Variants in COL10A1 observed in about 807,000 individuals in gnomAD.
The protein encoded by COL10A1 is collagen type X alpha 1 chain, also known as collagen alpha-1(X) chain.
COL10A1 carries 10 observed loss-of-function variants against 18.2 expected under a neutral mutation model. The observed-to-expected ratio is 0.55, with a 90% CI of 0.34 to 0.93. The LOEUF is 0.93. Ranked by LOEUF, COL10A1 falls within the 40% of genes least tolerant of loss-of-function variation. COL10A1 has a pLI of 0.02. For synonymous variants in COL10A1, 330 were observed against 316.6 expected (o/e 1.04, Z -0.45); for missense variants, 897 against 853.5 (o/e 1.05, Z -0.64).
rs1304322239 is a variant in COL10A1, at chr6:116,120,644, G to A, written c.1472C>T (p.Pro491Leu). The A allele has an allele frequency of 3.9e-6, 6 of 1,548,540 alleles. 1 individual carries two copies. The South Asian group carries it at 5.1e-5, about 13-fold the overall frequency. Residue 491 changes from proline to leucine, a missense_variant, in exon 3 of 3, where the codon CCA (proline) becomes CTA (leucine). Coordinates refer to ENST00000651968, the MANE Select transcript of COL10A1 (RefSeq NM_000493.4). ...ATKGLNGPTG[P>L]PGPPGPRGHS... The stretch of plus-strand genomic sequence containing the variant: ...GCCTCTTGGACCTGGAGGCCCTGGT[G>A]GCCCGGTGGGTCCATTGAGGCCCTT...
chr6:116,199,256 G>C, the COL10A1 span, among the ~76,000 whole-genome samples: 1 of 152,192 alleles, frequency 6.6e-6, no homozygotes. Flanking sequence ...CCTTCTGAAA[G>C]GACTATCTTC....
At chr6:116,194,941 G>A in the COL10A1 span, among the ~76,000 whole-genome samples, 1 of 151,940 alleles carries the variant, frequency 6.6e-6, no homozygotes, top group Non-Finnish European at 1.5e-5. Flanking sequence ...TGGATACTGT[G>A]GCATATTTGC....
chr6:116,179,725 A>G, the COL10A1 span, among the ~76,000 whole-genome samples: 4 of 152,140 alleles, frequency 2.6e-5, no homozygotes, highest in Non-Finnish European at 5.9e-5. Flanking sequence ...CTCAATAATT[A>G]TAAGATTCTG....
At chr6:116,188,390 G>A in the COL10A1 span, among the ~76,000 whole-genome samples, 1,268 of 152,082 alleles carry the variant, frequency 8.3e-3, 24 homozygotes, top group African/African-American at 0.029. Flanking sequence ...CACCAAATTA[G>A]AGACAGCCCA....
upstream of COL10A1, among the ~76,000 whole-genome samples, chr6:116,159,915 T>A (rs1780288737): frequency 6.6e-6 from 1 of 152,226 alleles, no homozygotes; most frequent in South Asian, 2.1e-4. Context: ...GGCCTCCAGC[T>A]CTATCCATGT....
At chr6:116,153,961 T>A (rs1780116725) in intron 1 of COL10A1, among the ~76,000 whole-genome samples, 1 of 152,100 alleles carries the variant, frequency 6.6e-6, no homozygotes, top group South Asian at 2.1e-4. Context: ...CTGTATGTAT[T>A]GCATTTGGAA....
the COL10A1 span, among the ~76,000 whole-genome samples, chr6:116,184,496 G>A: frequency 1.3e-5 from 2 of 152,036 alleles, no homozygotes; most frequent in Admixed American, 6.6e-5. Flanking sequence ...ATAGCATTCA[G>A]CTATGAATCC....
At position 116,146,863 on chromosome 6, in the gene COL10A1, T is replaced by C. The variant is rs576859654; in HGVS notation, c.-16+11751A>G. Reference sequence around the variant, plus strand: ...GCCTATGGATAGCCATCTGAAAAAATACAGTTGTGCCCTACCTCACACCTA... The same window carrying C: ...GCCTATGGATAGCCATCTGAAAAAACACAGTTGTGCCCTACCTCACACCTA... On this transcript the variant is annotated intron_variant, in intron 1 of 1. Transcript: ENST00000418500. Among the ~76,000 whole-genome samples the C allele has an allele frequency of 1.2e-3, 175 of 151,780 alleles. 1 individual carries two copies. Among genetic ancestry groups the C allele is most frequent in the Admixed American group, 2.8e-3 (43 of 15,238 alleles).
chr6:116,204,483 T>C, the COL10A1 span, among the ~76,000 whole-genome samples: 2 of 151,940 alleles, frequency 1.3e-5, no homozygotes, highest in African/African-American at 4.8e-5. Context: ...GATGAGAGTG[T>C]GGGGTAAGTG....
At chr6:116,207,115 GT>G in the COL10A1 span, among the ~76,000 whole-genome samples, 1 of 151,816 alleles carries the variant, frequency 6.6e-6, no homozygotes, top group Non-Finnish European at 1.5e-5. Flanking sequence ...TTACAATATT[GT>G]TTTATTCAGA....
At chr6:116,204,903 A>T in the COL10A1 span, among the ~76,000 whole-genome samples, 1 of 151,890 alleles carries the variant, frequency 6.6e-6, no homozygotes, top group Non-Finnish European at 1.5e-5. Flanking sequence ...TTTTGAAGTC[A>T]TTTTTTTGGG....
the COL10A1 span, among the ~76,000 whole-genome samples, chr6:116,177,914 T>A: frequency 2.0e-5 from 3 of 152,292 alleles, no homozygotes; most frequent in South Asian, 6.2e-4. Context: ...TTTGCTAGAA[T>A]ACATTTAACT....
intron 2 of COL10A1, among the ~76,000 whole-genome samples, chr6:116,125,105 C>G (rs534414782): frequency 6.6e-6 from 1 of 152,276 alleles, no homozygotes; most frequent in East Asian, 1.9e-4. Flanking sequence ...CACAAAAGTT[C>G]TGATTTTTTG....
At chr6:116,158,919 G>A (rs1780267857), upstream of COL10A1, among the ~76,000 whole-genome samples, 1 of 152,128 alleles carries the variant, frequency 6.6e-6, no homozygotes, top group Non-Finnish European at 1.5e-5. Context: ...GACGCAGATG[G>A]GGATTGGGGA....
In COL10A1 at chr6:116,121,100, G is replaced by A. The variant is rs373185008; in HGVS notation, c.1016C>T (p.Pro339Leu). 125 of 1,613,872 alleles carry A rather than the reference G, an allele frequency of 7.7e-5. 5 individuals are homozygous for A. In the Middle Eastern group the frequency reaches 0.01, roughly 130 times the overall value. ...TCCTTGGGGTCCCATATTCCCAGGG[G>A]GTCCAGTCAGACCTGGCTTCCCAGG... ...GLPGKPGLTG[P>L]PGNMGPQGPK... The change falls in exon 3 of 3, where the codon CCC becomes CTC. Residue 339 changes from proline to leucine, a missense_variant. Pro to Leu is a moderately conservative substitution (Grantham distance 98, BLOSUM62 -3). Coordinates refer to ENST00000651968, the MANE Select transcript of COL10A1 (RefSeq NM_000493.4).
chr6:116,125,615 A>T, intron 1 of COL10A1, 108 bp from the exon 2 acceptor site: 2 of 922,636 alleles, frequency 2.2e-6, no homozygotes, highest in East Asian at 5.4e-5. Flanking sequence ...TTTTTAACCT[A>T]TCCTATATAT....
chr6:116,149,072 A>G (rs1043895081), intron 1 of COL10A1, among the ~76,000 whole-genome samples: 2 of 152,174 alleles, frequency 1.3e-5, no homozygotes, highest in African/African-American at 2.4e-5. Flanking sequence ...TTTCTTTACA[A>G]TAAGACAGGT....
Position 116,141,397 on chromosome 6 carries a change from T to C in COL10A1, c.-15-15890A>G, listed in dbSNP as rs73772273. 5.4e-3 allele frequency among the ~76,000 whole-genome samples: 828 copies of C among 152,256 alleles called. 13 individuals are homozygous for C. The highest frequency in any genetic ancestry group is 8.0e-3 in the Admixed American group (122 of 15,278). On this transcript the variant is annotated intron_variant, in intron 1 of 1. Coordinates refer to the COL10A1 transcript ENST00000418500. Reference sequence around the variant, plus strand: ...TCTCTCTAGGGCATCTTATGTGTTATCTGCAGTTAACTTCTATCTAAGAAA... The same window carrying C: ...TCTCTCTAGGGCATCTTATGTGTTACCTGCAGTTAACTTCTATCTAAGAAA...
At chr6:116,216,452 A>G in the COL10A1 span, among the ~76,000 whole-genome samples, 2 of 151,434 alleles carry the variant, frequency 1.3e-5, no homozygotes, top group Non-Finnish European at 1.5e-5. Flanking sequence ...GAATTTTTGG[A>G]GTAGGGCCGG....
Sources: gnomAD v4.1 joint callset for allele counts (sites outside exome capture counted in the v4.1 genomes callset) on GRCh38, gnomAD v4.1.1 for gene constraint, MANE v1.5 for transcripts, NCBI Gene and HGNC (gene_info 2026-07-23, HGNC 2026-07-21) for gene names.